The following MUC5B variants were observed in gnomAD, a reference collection of about 807,000 sequenced individuals.
The protein encoded by MUC5B is mucin-5B.
Under a neutral mutation model 376.9 loss-of-function variants are expected in MUC5B, and 116 were observed. The ratio of observed to expected loss-of-function variants is 0.31; its 90% CI spans 0.26 to 0.36. The LOEUF is 0.36. MUC5B is among the 10% of genes least tolerant of loss of function. The probability of loss-of-function intolerance (pLI) is 1.00; values close to 1 mark genes in which losing one functional copy is unlikely to be tolerated. For missense variants in MUC5B, 7,165 were observed against 7,769.9 expected (o/e 0.92, Z 2.93); for synonymous variants, 3,517 against 3,390.9 (o/e 1.04, Z -1.29).
In MUC5B at chr11:1,230,475, G is replaced by T. The variant is rs766396367; in HGVS notation, c.1360-15G>T. The T allele has an allele frequency of 6.3e-7, 1 of 1,588,642 alleles. No homozygotes were observed. Among genetic ancestry groups the T allele is most frequent in the Non-Finnish European group, 8.6e-7 (1 of 1,166,026 alleles). On this transcript the variant is annotated splice_polypyrimidine_tract_variant and intron_variant, in intron 11 of 48. Transcript: ENST00000529681. The stretch of plus-strand genomic sequence containing the variant: ...TCGAGCCAGGCCCAATGCACGCGTG[G>T]GTCCTTCTCCCCAGAAATGTGCCGA...
chr11:1,230,474 G>A lies in MUC5B; in HGVS notation c.1360-16G>A. ...ATCGAGCCAGGCCCAATGCACGCGT[G>A]GGTCCTTCTCCCCAGAAATGTGCCG... is the stretch of plus-strand genomic sequence containing the variant. On this transcript the variant is annotated splice_polypyrimidine_tract_variant and intron_variant, in intron 11 of 48. Transcript: ENST00000529681. 6.3e-7 allele frequency: 1 copy of A among 1,587,392 alleles called. No individual in the cohort carries two copies. The highest frequency in any genetic ancestry group is 8.6e-7 in the Non-Finnish European group (1 of 1,165,266).
Position 1,235,379 on chromosome 11 carries a change from C to A in MUC5B, c.2846C>A (p.Thr949Asn). The change falls in exon 23 of 49, where the codon ACC becomes AAC. Residue 949 changes from threonine (T) to asparagine (N), a missense_variant. Physicochemically the swap from Thr to Asn is moderately conservative, Grantham distance 65 (BLOSUM62 0). Coordinates refer to ENST00000529681, the MANE Select transcript of MUC5B (RefSeq NM_002458.3). ...AACATCCCCTGTGGGACCACCGGCA[C>A]CACCTGCTCCAAGGCCATCAAGCTC... is the stretch of plus-strand genomic sequence containing the variant. ...TENIPCGTTG[T>N]TCSKAIKLFV... 6.2e-7 allele frequency: 1 copy of A among 1,612,632 alleles called. No homozygotes were observed. The highest frequency in any genetic ancestry group is 8.5e-7 in the Non-Finnish European group (1 of 1,179,766).
chr11:1,227,010 G>T, intron 4 of MUC5B, 21 bp from the exon 5 acceptor site: 1 of 1,595,156 alleles, frequency 6.3e-7, no homozygotes. Flanking sequence ...GGCCCAGGGA[G>T]AGACCCCGCT....
Position 1,248,738 on chromosome 11 carries a change from C to T in MUC5B, c.11858C>T (p.Thr3953Met), listed in dbSNP as rs376022389. 1.7e-4 allele frequency: 271 copies of T among 1,558,920 alleles called. 2 individuals are homozygous for T. The highest frequency in any genetic ancestry group is 3.3e-4 in the Middle Eastern group (2 of 5,974). The part of the protein sequence containing the change: ...TPPSLITTAT[T>M]ITATGSTTNP... ...CCATCACTGATCACCACGGCCACTACGATCACGGCCACCGGCTCCACCACC... is the reference window on the plus strand; with the variant it reads ...CCATCACTGATCACCACGGCCACTATGATCACGGCCACCGGCTCCACCACC... Residue 3953 changes from threonine to methionine, a missense_variant, in exon 31 of 49, where the codon ACG (threonine) becomes ATG (methionine). Around this residue, in one of 31 missense-constraint regions of MUC5B, gnomAD observed 242 missense variants for 199.0 expected, o/e 1.22. Coordinates refer to ENST00000529681, the MANE Select transcript of MUC5B (RefSeq NM_002458.3).
At chr11:1,237,823 C>T (rs1157288640) in intron 25 of MUC5B, among the ~76,000 whole-genome samples, 1 of 152,194 alleles carries the variant, frequency 6.6e-6, no homozygotes, top group East Asian at 1.9e-4. Context: ...GAGCCAAGAT[C>T]GTGCCACTGC....
chr11:1,228,405 C>G (rs930865731), intron 7 of MUC5B, 159 bp from the exon 8 acceptor site: 30 of 667,744 alleles, frequency 4.5e-5, no homozygotes, highest in Non-Finnish European at 5.1e-5. Context: ...CCAAGCAGAG[C>G]TCTGCATGGC....
chr11:1,241,707 C>T lies in MUC5B; in HGVS notation c.4827C>T (p.Thr1609=). 1 of 1,612,418 alleles carries T rather than the reference C, an allele frequency of 6.2e-7. No homozygotes were observed. The highest frequency in any genetic ancestry group is 1.1e-5 in the South Asian group (1 of 91,020). The change falls in exon 31 of 49, where the codon ACC becomes ACT. Residue 1609 remains threonine (T), a synonymous_variant. Transcript: ENST00000529681. ...SDDHCRGRAT[T]PPPTTELETA... ...ACCACTGCAGGGGACGTGCCACAAC[C>T]CCGCCACCGACCACAGAGCTGGAGA...
chr11:1,230,150 G>T lies in MUC5B; in HGVS notation c.1359+7G>T. 6.3e-7 allele frequency: 1 copy of T among 1,589,362 alleles called. No individual in the cohort carries two copies. Among genetic ancestry groups the T allele is most frequent in the African/African-American group, 1.3e-5 (1 of 74,238 alleles). ...CAGCTACGTTCTGTCCAAGGTCTGG[G>T]CTTGGGGCCGGGTCTTCAGACACCC... On this transcript the variant is annotated splice_region_variant and intron_variant, in intron 11 of 48. Transcript: ENST00000529681.
In MUC5B at chr11:1,246,117, C is replaced by G. The variant is rs759443166; in HGVS notation, c.9237C>G (p.Thr3079=). ...IPSFTLGTTG[T]LPEQTTTPMA... ...CCTTCACCCTTGGGACCACCGGGACCCTCCCAGAACAGACCACCACACCCA... is the reference window on the plus strand; with the variant it reads ...CCTTCACCCTTGGGACCACCGGGACGCTCCCAGAACAGACCACCACACCCA... Residue 3079 remains threonine, a synonymous_variant, in exon 31 of 49, where the codon ACC becomes ACG. Transcript: ENST00000529681. 6.2e-7 allele frequency: 1 copy of G among 1,613,122 alleles called. No individual in the cohort carries two copies. Among genetic ancestry groups the G allele is most frequent in the African/African-American group, 1.3e-5 (1 of 74,758 alleles).
intron 38 of MUC5B, 33 bp from the exon 39 acceptor site, chr11:1,256,638 C>G: frequency 6.6e-7 from 1 of 1,520,248 alleles, no homozygotes; most frequent in Non-Finnish European, 8.9e-7. Context: ...TCCTGGATCT[C>G]TAGGTCTCAG....
In MUC5B at chr11:1,232,171, C is replaced by A; in HGVS notation, c.1843+11C>A. 6.3e-7 allele frequency: 1 copy of A among 1,576,770 alleles called. No individual in the cohort carries two copies. The highest frequency in any genetic ancestry group is 8.6e-7 in the Non-Finnish European group (1 of 1,159,366). ...TCAGTGTGGAGAATGGTACTCCTCG[C>A]CCCCACCCCCACAGTCACCCCAGGC... On this transcript the variant is annotated intron_variant, in intron 15 of 48. Transcript: ENST00000529681.
At position 1,247,337 on chromosome 11, in the gene MUC5B, A is replaced by T. The variant is rs1312206769; in HGVS notation, c.10457A>T (p.Glu3486Val). The T allele has an allele frequency of 2.5e-6, 4 of 1,610,878 alleles. No individual in the cohort carries two copies. The highest frequency in any genetic ancestry group is 1.7e-5 in the Admixed American group (1 of 59,970). ...SGILGTTHIT[E>V]PSTVTSHTPA... ...ATCTTGGGCACCACCCACATCACAG[A>T]GCCTTCCACGGTGACTTCCCACACC... The change falls in exon 31 of 49, where the codon GAG becomes GTG. Residue 3486 changes from glutamate to valine, a missense_variant. Transcript: ENST00000529681.
chr11:1,227,198 A>C, intron 5 of MUC5B, 53 bp downstream of exon 5: 8 of 1,566,756 alleles, frequency 5.1e-6, no homozygotes, highest in Non-Finnish European at 6.1e-6. Context: ...CAAAACCCCC[A>C]CCGGGGGTCG....
chr11:1,230,818 C>T, intron 12 of MUC5B, 118 bp from the exon 13 acceptor site: 1 of 1,275,612 alleles, frequency 7.8e-7, no homozygotes, highest in Non-Finnish European at 1.1e-6. Flanking sequence ...AGGTCCAGGT[C>T]TGAGCTTCTC....
Position 1,242,113 on chromosome 11 carries a change from C to T in MUC5B, c.5233C>T (p.Leu1745=), listed in dbSNP as rs1328009273. ...TTCCAAAGAGCCGCTGACCACGAGC[C>T]TGGCGCCAACACTCACGAGCGAGCT... ...TASKEPLTTS[L]APTLTSELST... Residue 1745 remains leucine (L), a synonymous_variant, in exon 31 of 49, where the codon CTG becomes TTG. Transcript: ENST00000529681. 6.2e-7 allele frequency: 1 copy of T among 1,613,436 alleles called. No homozygotes were observed. The highest frequency in any genetic ancestry group is 1.1e-5 in the South Asian group (1 of 91,064).
chr11:1,245,642 C>T lies in MUC5B; in HGVS notation c.8762C>T (p.Ala2921Val). The T allele has an allele frequency of 1.9e-6, 3 of 1,599,308 alleles. No homozygotes were observed. Among genetic ancestry groups the T allele is most frequent in the Non-Finnish European group, 2.6e-6 (3 of 1,173,230 alleles). The change falls in exon 31 of 49, where the codon GCC (alanine) becomes GTC (valine). Residue 2921 changes from alanine to valine, a missense_variant. This residue lies in a region of MUC5B where 57 missense variants were observed against 167.2 expected (regional missense o/e 0.34). Transcript: ENST00000529681. ...QPLGLECRAQ[A>V]QPGVPLRELG... ...CTGGGCCTCGAGTGCCGTGCCCAGGCCCAGCCTGGTGTCCCCCTGCGGGAG... is the reference window on the plus strand; with the variant it reads ...CTGGGCCTCGAGTGCCGTGCCCAGGTCCAGCCTGGTGTCCCCCTGCGGGAG...
intron 37 of MUC5B, 67 bp from the exon 38 acceptor site, chr11:1,256,089 G>A (rs116153306): frequency 0.032 from 22,054 of 687,176 alleles, 738 homozygotes; most frequent in African/African-American, 0.075. Flanking sequence ...TGTCCTGTGC[G>A]GTGATTGGGG....
intron 34 of MUC5B, 48 bp from the exon 35 acceptor site, chr11:1,254,645 GC>G (rs1254791119): frequency 6.4e-7 from 1 of 1,571,192 alleles, no homozygotes; most frequent in African/African-American, 1.4e-5. Context: ...TGCTCCCCGA[GC>G]CCACCTGGCA....
intron 17 of MUC5B, 85 bp downstream of exon 17, chr11:1,232,855 G>A (rs1401405972): frequency 2.8e-5 from 42 of 1,486,908 alleles, no homozygotes; most frequent in Middle Eastern, 4.1e-4. Flanking sequence ...TCACTCACAC[G>A]GTTCTCAGCC....
Sources: gnomAD v4.1 joint callset for allele counts (sites outside exome capture counted in the v4.1 genomes callset) on GRCh38, gnomAD v4.1.1 for gene constraint, gnomAD v4.1.1 regional missense constraint, MANE v1.5 for transcripts, NCBI Gene and HGNC (gene_info 2026-07-23, HGNC 2026-07-21) for gene names.